The following LRRC37A2 variants were observed in gnomAD, a reference collection of about 807,000 sequenced individuals.
LRRC37A2 encodes leucine rich repeat containing 37 member A2.
LRRC37A2 carries 9 observed loss-of-function variants against 68.8 expected under a neutral mutation model. That is an observed-to-expected ratio of 0.13 (90% CI 0.08 to 0.23). The LOEUF is 0.23. Ranked by LOEUF, LRRC37A2 falls within the 10% of genes least tolerant of loss-of-function variation. The pLI, the probability that LRRC37A2 is intolerant of heterozygous loss-of-function variation, is 1.00. For synonymous variants in LRRC37A2, 63 were observed against 367.6 expected (o/e 0.17, Z 9.48); for missense variants, 168 against 950.4 (o/e 0.18, Z 10.82).
chr17:46,974,987 CTTTT>C, the LRRC37A2 span, among the ~76,000 whole-genome samples: 8 of 119,064 alleles, frequency 6.7e-5, no homozygotes, highest in South Asian at 8.2e-4. Context: ...TTACTATTTT[CTTTT>C]TTTTTTTTTT....
the LRRC37A2 span, among the ~76,000 whole-genome samples, chr17:46,807,042 T>G: frequency 6.6e-6 from 1 of 151,898 alleles, no homozygotes; most frequent in Non-Finnish European, 1.5e-5. Flanking sequence ...GTGGACATAG[T>G]CATTGGCCAG....
At chr17:46,494,557 T>C in the LRRC37A2 span, among the ~76,000 whole-genome samples, 4 of 150,716 alleles carry the variant, frequency 2.7e-5, no homozygotes, top group African/African-American at 1.0e-4. Flanking sequence ...TTATCAATTA[T>C]ATTGTTTCGA....
In LRRC37A2 at chr17:46,543,184, A is replaced by C. The variant is rs1976642; in HGVS notation, c.3053+2303A>C. On this transcript the variant is annotated intron_variant, in intron 8 of 14. Transcript: ENST00000576629. ...CAAGGCCATAAAGACATTGAACTAA[A>C]TGTCTTATGGGAGTTCATTATTGGA... Among the ~76,000 whole-genome samples, 380 of 149,894 alleles carry C rather than the reference A, an allele frequency of 2.5e-3. 12 individuals are homozygous for C. The highest frequency in any genetic ancestry group is 8.8e-3 in the African/African-American group (347 of 39,298).
At chr17:46,722,966 A>C in the LRRC37A2 span, among the ~76,000 whole-genome samples, 3 of 152,188 alleles carry the variant, frequency 2.0e-5, no homozygotes, top group African/African-American at 7.2e-5. Context: ...CAAGAACGTC[A>C]CTACTTGATA....
the LRRC37A2 span, among the ~76,000 whole-genome samples, chr17:46,839,918 TTCTTTCTTTCTTTCTTTC>T: frequency 6.6e-5 from 5 of 76,170 alleles, no homozygotes; most frequent in Non-Finnish European, 1.1e-4. Context: ...TCTCTTTTCT[TTCTTTCTTTCTTTCTTTC>T]TTTCTTTCTT....
At chr17:46,941,830 C>A in the LRRC37A2 span, 2 of 546,180 alleles carry the variant, frequency 3.7e-6, no homozygotes, top group Non-Finnish European at 4.7e-6. Flanking sequence ...AAGTGATCTG[C>A]CTGCTTCGGC....
At chr17:46,938,704 G>A in the LRRC37A2 span, 1 of 1,613,872 alleles carries the variant, frequency 6.2e-7, no homozygotes, top group Non-Finnish European at 8.5e-7. Flanking sequence ...CTTTATGATA[G>A]GTGGGATGCT....
chr17:46,416,974 C>A, the LRRC37A2 span, among the ~76,000 whole-genome samples: 1 of 130,766 alleles, frequency 7.6e-6, no homozygotes. Flanking sequence ...GGTGTGCGTC[C>A]GTAATCCCAG....
the LRRC37A2 span, among the ~76,000 whole-genome samples, chr17:46,787,572 C>T: frequency 2.6e-5 from 4 of 152,182 alleles, no homozygotes; most frequent in Non-Finnish European, 4.4e-5. Context: ...TCTCATAGCA[C>T]GCAGATCGTT....
the LRRC37A2 span, among the ~76,000 whole-genome samples, chr17:47,000,076 A>T: frequency 0.011 from 271 of 25,158 alleles, 8 homozygotes; most frequent in East Asian, 0.083. Flanking sequence ...AAATAAAATA[A>T]AAAATAAAAT....
chr17:46,739,746 A>C, the LRRC37A2 span, among the ~76,000 whole-genome samples: 1 of 150,066 alleles, frequency 6.7e-6, no homozygotes, highest in African/African-American at 2.5e-5. Context: ...TTTTTTTTCC[A>C]GGAGTGCAGT....
the LRRC37A2 span, among the ~76,000 whole-genome samples, chr17:46,953,456 AT>A: frequency 6.6e-6 from 1 of 152,208 alleles, no homozygotes; most frequent in Non-Finnish European, 1.5e-5. Context: ...ATTGTTGGAC[AT>A]TTGGGTTGGT....
the LRRC37A2 span, among the ~76,000 whole-genome samples, chr17:46,857,560 A>G: frequency 6.6e-6 from 1 of 151,608 alleles, no homozygotes; most frequent in Admixed American, 6.6e-5. Flanking sequence ...ATCCATGTAC[A>G]TCTCTTTTTG....
the LRRC37A2 span, among the ~76,000 whole-genome samples, chr17:46,825,150 G>A: frequency 0.43 from 66,088 of 152,118 alleles, 15,602 homozygotes; most frequent in East Asian, 0.7. Flanking sequence ...CTAACCCAAG[G>A]CCAGCTCCTA....
At chr17:46,974,982 ATTTTCTTT>A in the LRRC37A2 span, among the ~76,000 whole-genome samples, 1 of 69,814 alleles carries the variant, frequency 1.4e-5, no homozygotes, top group African/African-American at 5.1e-5. Context: ...ATGAATTACT[ATTTTCTTT>A]TTTTTTTTTT....
chr17:46,878,371 C>T, the LRRC37A2 span, among the ~76,000 whole-genome samples: 1 of 152,240 alleles, frequency 6.6e-6, no homozygotes, highest in East Asian at 1.9e-4. Flanking sequence ...TGGCCAACTC[C>T]CTGAGACCTC....
chr17:46,878,307 G>A, the LRRC37A2 span, among the ~76,000 whole-genome samples: 4 of 152,200 alleles, frequency 2.6e-5, no homozygotes, highest in Non-Finnish European at 5.9e-5. Context: ...TCAGCTGAAT[G>A]CTCAGAAACC....
At chr17:46,381,089 C>CAAAAAAA in the LRRC37A2 span, among the ~76,000 whole-genome samples, 1 of 804 alleles carries the variant, frequency 1.2e-3, no homozygotes, top group Middle Eastern at 0.25. Flanking sequence ...GACTCCGTCT[C>CAAAAAAA]AAAAAAAAAA....
chr17:46,929,607 CAG>C, the LRRC37A2 span: 8 of 1,217,994 alleles, frequency 6.6e-6, no homozygotes, highest in Non-Finnish European at 8.6e-6. Flanking sequence ...CTGTGGAGAC[CAG>C]AGTCCTTTCT....
Sources: gnomAD v4.1 joint callset for allele counts (sites outside exome capture counted in the v4.1 genomes callset) on GRCh38, gnomAD v4.1.1 for gene constraint, MANE v1.5 for transcripts, NCBI Gene and HGNC (gene_info 2026-07-23, HGNC 2026-07-21) for gene names.